Variants in RGS6 observed in about 807,000 individuals in gnomAD.
The protein encoded by RGS6 is regulator of G-protein signaling 6.
RGS6 carries 30 observed loss-of-function variants against 78.5 expected under a neutral mutation model. The ratio of observed to expected loss-of-function variants is 0.38; its 90% CI spans 0.29 to 0.52. The LOEUF (loss-of-function observed/expected upper bound fraction) is 0.52. RGS6 is among the 20% of genes least tolerant of loss of function. The pLI is 0.85. For missense variants in RGS6, 495 were observed against 609.7 expected (o/e 0.81, Z 1.98); for synonymous variants, 206 against 206.0 (o/e 1.00, Z 0.00).
intron 6 of RGS6, among the ~76,000 whole-genome samples, chr14:72,464,134 T>C (rs1480327203): frequency 1.3e-5 from 2 of 152,202 alleles, no homozygotes; most frequent in Non-Finnish European, 2.9e-5. Context: ...TTGTAGTCTT[T>C]TGTATATTGG....
chr14:72,255,646 T>C (rs1458415526), intron 2 of RGS6, among the ~76,000 whole-genome samples: 1 of 152,200 alleles, frequency 6.6e-6, no homozygotes, highest in Non-Finnish European at 1.5e-5. Context: ...TCTTTAACTA[T>C]TCAGTTGATA....
chr14:72,105,522 C>T (rs1177059936), intron 2 of RGS6, among the ~76,000 whole-genome samples: 1 of 152,014 alleles, frequency 6.6e-6, no homozygotes. Context: ...TCTGAAAATT[C>T]CAGGAATTTT....
chr14:71,946,584 C>T (rs2091558844), intron 1 of RGS6, among the ~76,000 whole-genome samples: 1 of 152,020 alleles, frequency 6.6e-6, no homozygotes, highest in African/African-American at 2.4e-5. Context: ...TAAGCAAGGC[C>T]TATATATGGA....
At chr14:72,124,573 GT>G (rs2153577276) in intron 2 of RGS6, among the ~76,000 whole-genome samples, 1 of 152,232 alleles carries the variant, frequency 6.6e-6, no homozygotes, top group Non-Finnish European at 1.5e-5. Flanking sequence ...TCTATTAACA[GT>G]TTACCCTAGA....
the RGS6 span, among the ~76,000 whole-genome samples, chr14:72,588,051 C>T: frequency 3.3e-5 from 5 of 151,996 alleles, no homozygotes; most frequent in East Asian, 5.8e-4. Flanking sequence ...TTGGGGAGCT[C>T]GGGTACAATT....
At chr14:72,197,700 C>T (rs1195417308) in intron 2 of RGS6, among the ~76,000 whole-genome samples, 1 of 151,994 alleles carries the variant, frequency 6.6e-6, no homozygotes, top group African/African-American at 2.4e-5. Context: ...ATCTCGGGGC[C>T]CAAATTTCTA....
chr14:71,966,392 A>G (rs1237900296), intron 2 of RGS6, among the ~76,000 whole-genome samples: 1 of 152,236 alleles, frequency 6.6e-6, no homozygotes, highest in African/African-American at 2.4e-5. Flanking sequence ...AATCATGCTT[A>G]TTAAATTGCG....
At chr14:71,867,759 T>C in the RGS6 span, among the ~76,000 whole-genome samples, 4 of 152,184 alleles carry the variant, frequency 2.6e-5, no homozygotes, top group South Asian at 8.3e-4. Context: ...AGAAAATAGA[T>C]AGATTTTACG....
the RGS6 span, among the ~76,000 whole-genome samples, chr14:72,586,090 G>A: frequency 6.6e-6 from 1 of 152,150 alleles, no homozygotes; most frequent in Non-Finnish European, 1.5e-5. Context: ...GATCCTTCAT[G>A]GCCTGGCTCC....
chr14:72,099,366 A>G (rs1296964657), intron 2 of RGS6, among the ~76,000 whole-genome samples: 1 of 152,004 alleles, frequency 6.6e-6, no homozygotes, highest in Non-Finnish European at 1.5e-5. Flanking sequence ...TCACCGTGTT[A>G]GCCAGGATGG....
the RGS6 span, among the ~76,000 whole-genome samples, chr14:72,605,610 G>A: frequency 7.8e-4 from 119 of 152,286 alleles, no homozygotes; most frequent in Middle Eastern, 3.4e-3. Flanking sequence ...AAGACAGGCC[G>A]GGCTGGGGAC....
intron 2 of RGS6, among the ~76,000 whole-genome samples, chr14:71,969,247 A>G (rs1468594723): frequency 6.6e-6 from 1 of 152,144 alleles, no homozygotes; most frequent in African/African-American, 2.4e-5. Flanking sequence ...TCACATTTTT[A>G]ATGCTAAAGT....
intron 1 of RGS6, among the ~76,000 whole-genome samples, chr14:71,952,120 T>A (rs911804508): frequency 6.6e-6 from 1 of 152,154 alleles, no homozygotes; most frequent in Non-Finnish European, 1.5e-5. Flanking sequence ...TTGTTTTTCT[T>A]GCCTGTTGTA....
At chr14:72,422,761 G>A (rs1308929729) in intron 3 of RGS6, among the ~76,000 whole-genome samples, 2 of 152,184 alleles carry the variant, frequency 1.3e-5, no homozygotes, top group African/African-American at 2.4e-5. Context: ...GGGCAGAGGA[G>A]GTCAAACACA....
the RGS6 span, among the ~76,000 whole-genome samples, chr14:71,881,343 G>A: frequency 3.3e-5 from 5 of 152,200 alleles, no homozygotes; most frequent in South Asian, 2.1e-4. Context: ...ATGATTGGTT[G>A]TGAAATGTGA....
chr14:72,153,090 A>T (rs1317753731), intron 2 of RGS6, among the ~76,000 whole-genome samples: 1 of 152,036 alleles, frequency 6.6e-6, no homozygotes, highest in African/African-American at 2.4e-5. Flanking sequence ...TGACCCCTTT[A>T]TATTTGGCTG....
chr14:72,283,210 A>G (rs1331074835), intron 2 of RGS6, among the ~76,000 whole-genome samples: 2 of 152,198 alleles, frequency 1.3e-5, no homozygotes, highest in African/African-American at 2.4e-5. Flanking sequence ...TATCTTGACT[A>G]TTGTGAAGAA....
rs114560207 is a variant in RGS6, at chr14:72,291,069, T to C, written c.85-61026T>C. Among the ~76,000 whole-genome samples, 353 of 151,896 alleles carry C rather than the reference T, an allele frequency of 2.3e-3. 1 individual carries two copies. The highest frequency in any genetic ancestry group is 8.3e-3 in the African/African-American group (344 of 41,446). On this transcript the variant is annotated intron_variant, in intron 2 of 17. Transcript: ENST00000553525. ...TGTGCTCCAGTTCACACTCTCCACA[T>C]CCCTGGGGCCAGGCTATACCTAGAT...
chr14:72,393,171 T>C (rs1421647225), intron 3 of RGS6, among the ~76,000 whole-genome samples: 1 of 152,202 alleles, frequency 6.6e-6, no homozygotes, highest in Admixed American at 6.5e-5. Context: ...AAGCCACCCC[T>C]ATGCATGAAG....
Sources: gnomAD v4.1 joint callset for allele counts (sites outside exome capture counted in the v4.1 genomes callset) on GRCh38, gnomAD v4.1.1 for gene constraint, MANE v1.5 for transcripts, NCBI Gene and HGNC (gene_info 2026-07-23, HGNC 2026-07-21) for gene names.